CADPS: variants seen among roughly 807,000 people sequenced by gnomAD.
CADPS encodes calcium-dependent secretion activator 1.
A neutral mutation model predicts 167.3 loss-of-function variants in CADPS; 57 were observed. The ratio of observed to expected loss-of-function variants is 0.34; its 90% CI spans 0.28 to 0.42. CADPS has a LOEUF of 0.42. Ranked by LOEUF, CADPS falls within the 20% of genes least tolerant of loss-of-function variation. The pLI is 1.00. For missense variants in CADPS, 1,414 were observed against 1,738.1 expected, an observed-to-expected ratio of 0.81 and a Z score of 3.32; for synonymous variants, 676 against 635.3, an observed-to-expected ratio of 1.06 and a Z score of -0.96.
chr3:62,608,995 AG>A (rs1379000231), intron 6 of CADPS, among the ~76,000 whole-genome samples: 1 of 152,184 alleles, frequency 6.6e-6, no homozygotes, highest in African/African-American at 2.4e-5. Context: ...CCTTTATCTC[AG>A]TCCCAAGGAG....
chr3:62,594,610 C>T (rs1411069174), intron 6 of CADPS, among the ~76,000 whole-genome samples: 2 of 152,134 alleles, frequency 1.3e-5, no homozygotes, highest in South Asian at 4.1e-4. Flanking sequence ...GTTGTCCAAG[C>T]TGGTCTCAAA....
chr3:62,564,638 GCT>G (rs1159290241), intron 9 of CADPS, among the ~76,000 whole-genome samples: 1 of 136,586 alleles, frequency 7.3e-6, no homozygotes, highest in East Asian at 2.1e-4. Flanking sequence ...ACAGAATCTT[GCT>G]CTGTCACCCA....
At chr3:62,595,671 T>C (rs940847430) in intron 6 of CADPS, among the ~76,000 whole-genome samples, 2 of 152,308 alleles carry the variant, frequency 1.3e-5, no homozygotes, top group African/African-American at 4.8e-5. Context: ...CATGTAATAA[T>C]TGTACATATT....
chr3:62,602,547 T>C lies in CADPS; in HGVS notation c.1326-9799A>G, dbSNP rs1432276434. On this transcript the variant is annotated intron_variant, in intron 6 of 29. Transcript: ENST00000383710. The surrounding 1 kb of genome is among the most constrained non-coding windows in gnomAD (Gnocchi z 4.4). ...TGGCCTGCCTTTGAGGTGGACTGCA[T>C]GATATTCCACTCCAAGGGAATCAAT... Among the ~76,000 whole-genome samples, 2 of 152,160 alleles carry C rather than the reference T, an allele frequency of 1.3e-5. No individual in the cohort carries two copies. The highest frequency in any genetic ancestry group is 6.6e-5 in the Admixed American group (1 of 15,264).
chr3:62,619,786 A>T (rs987788861), intron 6 of CADPS, among the ~76,000 whole-genome samples: 2 of 152,184 alleles, frequency 1.3e-5, no homozygotes, highest in Non-Finnish European at 2.9e-5. Context: ...GAAGTGTTAC[A>T]GTTTTCCTAA....
At chr3:62,561,078 C>A (rs1447174343) in intron 9 of CADPS, among the ~76,000 whole-genome samples, 343 of 83,536 alleles carry the variant, frequency 4.1e-3, no homozygotes, top group Middle Eastern at 8.2e-3. Flanking sequence ...AACTCCATCT[C>A]AAAAAAAAAA....
chr3:62,728,458 T>C (rs147580609), intron 3 of CADPS, among the ~76,000 whole-genome samples: 2 of 152,024 alleles, frequency 1.3e-5, no homozygotes, highest in African/African-American at 4.8e-5. Flanking sequence ...CTGAGCCAAA[T>C]CTCAGTTTTC....
At chr3:62,668,182 C>A (rs1296076738) in intron 3 of CADPS, among the ~76,000 whole-genome samples, 1 of 152,216 alleles carries the variant, frequency 6.6e-6, no homozygotes, top group Non-Finnish European at 1.5e-5. Flanking sequence ...AGGCAGATTA[C>A]TTTATGCATT....
At chr3:62,609,628 A>G (rs530644617) in intron 6 of CADPS, among the ~76,000 whole-genome samples, 1 of 152,196 alleles carries the variant, frequency 6.6e-6, no homozygotes, top group Non-Finnish European at 1.5e-5. Context: ...CATCTGTACA[A>G]TAGGAATAAG....
intron 3 of CADPS, among the ~76,000 whole-genome samples, chr3:62,731,116 G>C (rs114857333): frequency 0.016 from 2,490 of 152,286 alleles, 39 homozygotes; most frequent in South Asian, 0.035. Flanking sequence ...ACAGTGCATA[G>C]AGGAATTAGT....
chr3:62,567,496 AG>A (rs908974295), intron 9 of CADPS, among the ~76,000 whole-genome samples: 3 of 148,208 alleles, frequency 2.0e-5, no homozygotes, highest in African/African-American at 7.4e-5. Flanking sequence ...AGTGATTCCA[AG>A]AGAGACTGCT....
rs143423518 is a variant in CADPS at position 62,676,369 on chromosome 3, C to T, written c.889-13975G>A. 4.0e-3 allele frequency among the ~76,000 whole-genome samples: 607 copies of T among 152,238 alleles called. 4 individuals carry two copies. The highest frequency in any genetic ancestry group is 0.013 in the African/African-American group (554 of 41,570). On this transcript the variant is annotated intron_variant, in intron 3 of 29. Coordinates refer to ENST00000383710, the MANE Select transcript of CADPS (RefSeq NM_003716.4). Reference sequence around the variant, plus strand: ...ATTTCATCCTCCATGTAACAGGGAACTGTCAATATCCTAACATGGTCTATG... The same window carrying T: ...ATTTCATCCTCCATGTAACAGGGAATTGTCAATATCCTAACATGGTCTATG...
At chr3:62,708,491 T>C (rs571831348) in intron 3 of CADPS, among the ~76,000 whole-genome samples, 2 of 151,936 alleles carry the variant, frequency 1.3e-5, no homozygotes, top group African/African-American at 4.8e-5. Flanking sequence ...CACCAAGAGG[T>C]TGGGTAACTT....
chr3:62,574,208 A>G (rs78898160), intron 8 of CADPS, among the ~76,000 whole-genome samples: 6,671 of 152,264 alleles, frequency 0.044, 206 homozygotes, highest in African/African-American at 0.086. Context: ...ATCCCATGGT[A>G]GCTAGACTGA....
intron 1 of CADPS, among the ~76,000 whole-genome samples, chr3:62,781,290 A>G (rs1241262748): frequency 1.3e-5 from 2 of 152,206 alleles, no homozygotes; most frequent in African/African-American, 4.8e-5. Context: ...GGCTGCTGCC[A>G]AATATAAGAG....
intron 1 of CADPS, among the ~76,000 whole-genome samples, chr3:62,767,414 C>A (rs1002763612): frequency 2.6e-5 from 4 of 151,976 alleles, no homozygotes; most frequent in African/African-American, 9.7e-5. Flanking sequence ...TTCTAATTAC[C>A]CATTGTCCTG....
chr3:62,818,990 G>A (rs1487032111), intron 1 of CADPS, among the ~76,000 whole-genome samples: 2 of 148,536 alleles, frequency 1.3e-5, no homozygotes, highest in Non-Finnish European at 3.0e-5. Context: ...TTTAGTAAGA[G>A]ATAAGAACAG....
intron 6 of CADPS, chr3:62,626,525 T>C: frequency 1.4e-6 from 1 of 702,788 alleles, no homozygotes; most frequent in Non-Finnish European, 2.6e-6. Flanking sequence ...AGACGGGACA[T>C]CAAATGGCAC....
At chr3:62,530,773 AT>A (rs1238509474) in intron 13 of CADPS, 1 of 1,286,770 alleles carries the variant, frequency 7.8e-7, no homozygotes, top group South Asian at 1.2e-5. Context: ...CAGGGTCTGT[AT>A]TTGGTGGCAG....
Sources: allele counts gnomAD v4.1 joint callset (sites outside exome capture counted in the v4.1 genomes callset), GRCh38; gene constraint gnomAD v4.1.1; non-coding constraint Gnocchi (gnomAD v3.1); transcripts MANE v1.5; gene names NCBI Gene and HGNC (gene_info 2026-07-23, HGNC 2026-07-21).